The following LTV1 variants were observed in gnomAD, a reference collection of about 807,000 sequenced individuals.
LTV1 encodes the protein LTV1 ribosome biogenesis factor.
LTV1 carries 39 observed loss-of-function variants against 59.9 expected under a neutral mutation model. The observed-to-expected ratio is 0.65, with a 90% CI of 0.50 to 0.85. The LOEUF is 0.85. Among genes scored for constraint, LTV1 ranks in the 40% least tolerant of loss-of-function variants. The pLI, the probability that LTV1 is intolerant of heterozygous loss-of-function variation, is 0.00. For synonymous variants in LTV1, 171 were observed against 189.5 expected (o/e 0.90, Z 0.80); for missense variants, 493 against 549.1 (o/e 0.90, Z 1.02).
chr6:143,850,760 C>A (rs143296523), intron 4 of LTV1, among the ~76,000 whole-genome samples: 2 of 152,204 alleles, frequency 1.3e-5, no homozygotes, highest in African/African-American at 2.4e-5. Flanking sequence ...CTGTGGCATT[C>A]ATTAATTAAT....
intron 4 of LTV1, among the ~76,000 whole-genome samples, chr6:143,852,491 G>T (rs1776999735): frequency 1.3e-5 from 2 of 152,168 alleles, no homozygotes; most frequent in Middle Eastern, 3.4e-3. Flanking sequence ...TGGATTGATT[G>T]CAAAAATTTT....
chr6:143,860,658 A>C (rs1334751031), intron 7 of LTV1, 105 bp downstream of exon 7: 1 of 921,172 alleles, frequency 1.1e-6, no homozygotes, highest in Non-Finnish European at 1.5e-6. Context: ...AAATTAACCT[A>C]GTCAAAATAC....
chr6:143,844,128 C>T (rs1776848950), intron 1 of LTV1, among the ~76,000 whole-genome samples: 1 of 152,254 alleles, frequency 6.6e-6, no homozygotes. Flanking sequence ...GGGGCCTTCC[C>T]TGAGCAGCCA....
intron 4 of LTV1, among the ~76,000 whole-genome samples, chr6:143,852,670 T>TA (rs1346992931): frequency 6.6e-6 from 1 of 152,246 alleles, no homozygotes; most frequent in Admixed American, 6.5e-5. Context: ...TGGTATTGCT[T>TA]AGGTTTTCTT....
rs1220458606 is a variant in LTV1 at position 143,855,495 on chromosome 6, G to A, written c.398-1808G>A. 6.6e-6 allele frequency among the ~76,000 whole-genome samples: 1 copy of A among 152,178 alleles called. No homozygotes were observed. Among genetic ancestry groups the A allele is most frequent in the Admixed American group, 6.5e-5 (1 of 15,280 alleles). On this transcript the variant is annotated intron_variant, in intron 4 of 10. Transcript: ENST00000367576. This position sits in a 1 kb window ranked among gnomAD's most constrained non-coding sequence, Gnocchi z 4.6. ...ATTTGATTCTGTCATTATGATGCTA[G>A]CTGGTTATTTTGCCCATTAGTTTAT...
At chr6:143,844,425 G>T (rs1776854062) in intron 1 of LTV1, 61 bp from the exon 2 acceptor site, 1 of 1,574,400 alleles carries the variant, frequency 6.4e-7, no homozygotes, top group South Asian at 1.1e-5. Context: ...GTGGACTATG[G>T]AATTATTCTC....
At position 143,857,684 on chromosome 6, in the gene LTV1, G is replaced by C. The variant is rs907313892; in HGVS notation, c.540-68G>C. 3.9e-6 allele frequency: 6 copies of C among 1,547,120 alleles called. No homozygotes were observed. In the African/African-American group the frequency reaches 8.2e-5, roughly 21 times the overall value. On this transcript the variant is annotated intron_variant, in intron 5 of 10. Transcript: ENST00000367576. This position sits in a 1 kb window ranked among gnomAD's most constrained non-coding sequence, Gnocchi z 5.2. ...CCTGAAATACCTTCCAATTTTACTTGTGTAAAGTGGTTTTGTTCTGTTACT... is the reference window on the plus strand; with the variant it reads ...CCTGAAATACCTTCCAATTTTACTTCTGTAAAGTGGTTTTGTTCTGTTACT...
At chr6:143,861,535 A>G (rs1312418968) in intron 7 of LTV1, among the ~76,000 whole-genome samples, 1 of 151,946 alleles carries the variant, frequency 6.6e-6, no homozygotes, top group African/African-American at 2.4e-5. Context: ...CGCTTTTTTC[A>G]TCTTTCTGAA....
chr6:143,860,612 C>G, intron 7 of LTV1, 59 bp downstream of exon 7: 1 of 1,457,596 alleles, frequency 6.9e-7, no homozygotes, highest in East Asian at 2.4e-5. Context: ...GAAAAAATTC[C>G]AAAGAAAGGT....
At chr6:143,845,479 G>A (rs762329049) in intron 2 of LTV1, among the ~76,000 whole-genome samples, 5 of 152,118 alleles carry the variant, frequency 3.3e-5, no homozygotes, top group East Asian at 1.9e-4. Flanking sequence ...GGGCTCAAGC[G>A]ATCCTCCCAC....
chr6:143,844,668 T>C, intron 2 of LTV1, 51 bp downstream of exon 2: 1 of 1,541,894 alleles, frequency 6.5e-7, no homozygotes, highest in African/African-American at 1.5e-5. Flanking sequence ...ATAGTTTTTT[T>C]TTTCTTTTTT....
chr6:143,857,659 C>T lies in LTV1; in HGVS notation c.540-93C>T. 7 of 1,415,508 alleles carry T rather than the reference C, an allele frequency of 4.9e-6. No individual in the cohort carries two copies. Among genetic ancestry groups the T allele is most frequent in the Non-Finnish European group, 4.9e-6 (5 of 1,017,450 alleles). 87.7% of individuals were successfully genotyped at this position (1,415,508 alleles called of 1,614,324 possible). A position where few individuals can be genotyped will look rare whatever the true frequency, so the allele number is the denominator to read the frequency against. ...TCTTCCTGCCTAGACAAGAACCCTTCCTGAAATACCTTCCAATTTTACTTG... is the reference window on the plus strand; with the variant it reads ...TCTTCCTGCCTAGACAAGAACCCTTTCTGAAATACCTTCCAATTTTACTTG... On this transcript the variant is annotated intron_variant, in intron 5 of 10. Transcript: ENST00000367576. The surrounding 1 kb of genome is among the most constrained non-coding windows in gnomAD (Gnocchi z 5.2).
rs77163964 is a variant in LTV1, at chr6:143,861,238, A to G, written c.923+685A>G. Among the ~76,000 whole-genome samples, 1,021 of 151,980 alleles carry G rather than the reference A, an allele frequency of 6.7e-3. 14 individuals are homozygous for G. The highest frequency in any genetic ancestry group is 0.023 in the African/African-American group (968 of 41,466). ...TTAACTTTTATTTATTTTGCTTAAA[A>G]GTTTTGTTTTGATAGAAGCATGAAT... On this transcript the variant is annotated intron_variant, in intron 7 of 10. Coordinates refer to ENST00000367576, the MANE Select transcript of LTV1 (RefSeq NM_032860.5).
chr6:143,860,405 T>C, intron 6 of LTV1, 21 bp from the exon 7 acceptor site: 3 of 1,608,668 alleles, frequency 1.9e-6, no homozygotes, highest in Non-Finnish European at 2.5e-6. Context: ...TCATGGTATC[T>C]TTTCTCTGTT....
Position 143,857,350 on chromosome 6 carries a change from G to T in LTV1, c.445G>T (p.Asp149Tyr), listed in dbSNP as rs1257954809. The change falls in exon 5 of 11, where the codon GAT becomes TAT. Residue 149 changes from aspartate to tyrosine, a missense_variant. Asp to Tyr is a radical substitution (Grantham distance 160). Coordinates refer to ENST00000367576, the MANE Select transcript of LTV1 (RefSeq NM_032860.5). The surrounding 1 kb of genome is among the most constrained non-coding windows in gnomAD (Gnocchi z 5.2). ...DPDIVAALDDDFDFDDPDNLL... is the reference protein window; with the variant it reads ...DPDIVAALDDYFDFDDPDNLL... ...TGACATTGTTGCAGCTCTTGATGAT[G>T]ATTTTGACTTTGATGATCCAGATAA... 2.5e-6 allele frequency: 4 copies of T among 1,614,008 alleles called. No individual in the cohort carries two copies. The highest frequency in any genetic ancestry group is 3.4e-6 in the Non-Finnish European group (4 of 1,179,912).
Position 143,862,042 on chromosome 6 carries a change from T to C in LTV1, c.924-62T>C. The C allele has an allele frequency of 1.3e-6, 2 of 1,529,756 alleles. No individual in the cohort carries two copies. The highest frequency in any genetic ancestry group is 1.2e-5 in the South Asian group (1 of 81,080). 94.8% of individuals were successfully genotyped at this position (1,529,756 alleles called of 1,614,324 possible). A position where few individuals can be genotyped will look rare whatever the true frequency, so the allele number is the denominator to read the frequency against. Reference sequence around the variant, plus strand: ...GCTAAAAATTGCAGTTTTAGTGACATAGTATAATAATAGGTCATTTTTCCC... The same window carrying C: ...GCTAAAAATTGCAGTTTTAGTGACACAGTATAATAATAGGTCATTTTTCCC... On this transcript the variant is annotated intron_variant, in intron 7 of 10. Transcript: ENST00000367576. The surrounding 1 kb of genome is among the most constrained non-coding windows in gnomAD (Gnocchi z 4.2).
In LTV1 at chr6:143,857,811, G is replaced by A. The variant is rs1029903525; in HGVS notation, c.599G>A (p.Ser200Asn). Residue 200 changes from serine (S) to asparagine (N), a missense_variant, in exon 6 of 11, where the codon AGC becomes AAC. Coordinates refer to ENST00000367576, the MANE Select transcript of LTV1 (RefSeq NM_032860.5). This position sits in a 1 kb window ranked among gnomAD's most constrained non-coding sequence, Gnocchi z 5.2. ...GATGTGGATGATGAGAAGGGAGATA[G>A]CAATGATGACTATGACTCTGCAGGC... ...WEDVDDEKGD[S>N]NDDYDSAGLL... 1.2e-5 allele frequency: 19 copies of A among 1,613,968 alleles called. No individual in the cohort carries two copies. The highest frequency in any genetic ancestry group is 1.6e-5 in the Non-Finnish European group (19 of 1,179,954).
intron 7 of LTV1, among the ~76,000 whole-genome samples, chr6:143,861,789 T>C (rs1395126440): frequency 7.0e-6 from 1 of 142,256 alleles, no homozygotes; most frequent in Non-Finnish European, 1.6e-5. Context: ...GAGTGAAATA[T>C]TCGAATACTT....
chr6:143,863,335 G>A lies in LTV1; in HGVS notation c.1317+49G>A. 4.4e-6 allele frequency: 7 copies of A among 1,597,794 alleles called. No individual in the cohort carries two copies. The highest frequency in any genetic ancestry group is 6.0e-6 in the Non-Finnish European group (7 of 1,167,840). ...AGATTTACAAAGAGCTGGTGGAGGG[G>A]AAATTAGGGGAATTTTGTAAAAGCA... On this transcript the variant is annotated intron_variant, in intron 10 of 10. Coordinates refer to ENST00000367576, the MANE Select transcript of LTV1 (RefSeq NM_032860.5). The surrounding 1 kb of genome is among the most constrained non-coding windows in gnomAD (Gnocchi z 4.5).
Sources: gnomAD v4.1 joint callset for allele counts (sites outside exome capture counted in the v4.1 genomes callset) on GRCh38, gnomAD v4.1.1 for gene constraint, Gnocchi (gnomAD v3.1) non-coding constraint, MANE v1.5 for transcripts, NCBI Gene and HGNC (gene_info 2026-07-23, HGNC 2026-07-21) for gene names.